Variants in NTNG1 observed in about 807,000 individuals in gnomAD.
NTNG1 encodes the protein netrin-G1.
NTNG1 carries 16 observed loss-of-function variants against 54.0 expected under a neutral mutation model. The ratio of observed to expected loss-of-function variants is 0.30; its 90% CI spans 0.20 to 0.45. The LOEUF is 0.45. Among genes scored for constraint, NTNG1 ranks in the 20% least tolerant of loss-of-function variants. NTNG1 has a pLI of 1.00. For synonymous variants in NTNG1, 255 were observed against 263.1 expected (o/e 0.97, Z 0.30); for missense variants, 530 against 678.7 (o/e 0.78, Z 2.43).
At chr1:107,473,363 G>A (rs936614067) in intron 7 of NTNG1, among the ~76,000 whole-genome samples, 5 of 152,150 alleles carry the variant, frequency 3.3e-5, no homozygotes, top group African/African-American at 1.2e-4. Context: ...GACCTTAGGG[G>A]AACAAGTGAC....
At chr1:107,418,896 G>C (rs1174380689) in intron 5 of NTNG1, among the ~76,000 whole-genome samples, 1 of 151,914 alleles carries the variant, frequency 6.6e-6, no homozygotes, top group Non-Finnish European at 1.5e-5. Context: ...TCAGTCCCAG[G>C]AGAAGCCTAG....
At chr1:107,274,830 T>G (rs181385671) in intron 2 of NTNG1, among the ~76,000 whole-genome samples, 3 of 152,292 alleles carry the variant, frequency 2.0e-5, no homozygotes, top group East Asian at 3.9e-4. Flanking sequence ...CATTTATTGT[T>G]TAGCTTTAGA....
At chr1:107,295,991 T>G (rs565368513) in intron 2 of NTNG1, among the ~76,000 whole-genome samples, 24 of 152,236 alleles carry the variant, frequency 1.6e-4, no homozygotes, top group African/African-American at 5.3e-4. Flanking sequence ...CTAACCTCTT[T>G]GGCTCATCCG....
chr1:107,244,788 G>A (rs1007646712), intron 2 of NTNG1, among the ~76,000 whole-genome samples: 5 of 152,016 alleles, frequency 3.3e-5, no homozygotes, highest in African/African-American at 4.8e-5. Context: ...AGAGTGTGGC[G>A]CGAACAGCAG....
intron 2 of NTNG1, among the ~76,000 whole-genome samples, chr1:107,301,972 G>A (rs762393922): frequency 6.6e-6 from 1 of 152,114 alleles, no homozygotes; most frequent in Non-Finnish European, 1.5e-5. Flanking sequence ...TTTGCTTGCT[G>A]TTTGCCAGCT....
chr1:107,197,565 T>C (rs557509266), intron 2 of NTNG1, among the ~76,000 whole-genome samples: 3 of 152,074 alleles, frequency 2.0e-5, no homozygotes, highest in Non-Finnish European at 2.9e-5. Context: ...CTTTTTATGC[T>C]GATAAGGCGA....
At chr1:107,312,633 A>G (rs945687058) in intron 2 of NTNG1, among the ~76,000 whole-genome samples, 2 of 152,096 alleles carry the variant, frequency 1.3e-5, no homozygotes, top group East Asian at 1.9e-4. Flanking sequence ...TTGCATGCAG[A>G]TGATCTAAGG....
chr1:107,421,280 A>G lies in NTNG1; in HGVS notation c.1088-9470A>G, dbSNP rs1012869575. Reference sequence around the variant, plus strand: ...CATGTTGACTAATATCAATCAATGCATCGAATAGTACTGAGAATCATCTGT... The same window carrying G: ...CATGTTGACTAATATCAATCAATGCGTCGAATAGTACTGAGAATCATCTGT... On this transcript the variant is annotated intron_variant, in intron 5 of 7. Transcript: ENST00000370068. 4.8e-6 allele frequency: 3 copies of G among 620,774 alleles called. No homozygotes were observed. In the African/African-American group the frequency reaches 5.5e-5, roughly 11 times the overall value. The allele number at this position is 620,774 out of a possible 1,614,324, so 38.5% of individuals were successfully genotyped here.
Position 107,454,984 on chromosome 1 carries a change from A to C in NTNG1, c.1390+18185A>C, listed in dbSNP as rs17019098. Among the ~76,000 whole-genome samples the C allele has an allele frequency of 6.2e-3, 938 of 152,086 alleles. 19 individuals carry two copies. Among genetic ancestry groups the C allele is most frequent in the African/African-American group, 0.022 (904 of 41,488 alleles). ...TACGTGTGAGCACAGTGCTGTGCCA[A>C]CTCTGTGGTAAGCCTTGTAGGGAAG... is the stretch of plus-strand genomic sequence containing the variant. On this transcript the variant is annotated intron_variant, in intron 7 of 7. Coordinates refer to ENST00000370068, the MANE Select transcript of NTNG1 (RefSeq NM_001113226.3).
intron 3 of NTNG1, among the ~76,000 whole-genome samples, chr1:107,365,555 C>T (rs189852180): frequency 6.6e-5 from 10 of 152,158 alleles, no homozygotes; most frequent in Non-Finnish European, 1.0e-4. Flanking sequence ...ATTTTACAGT[C>T]GCTTACCATA....
At chr1:107,312,754 A>C (rs1457328731) in intron 2 of NTNG1, among the ~76,000 whole-genome samples, 1 of 152,218 alleles carries the variant, frequency 6.6e-6, no homozygotes, top group Non-Finnish European at 1.5e-5. Context: ...CTTAATCTTT[A>C]CATACCACTG....
chr1:107,476,991 G>C (rs1449148670), intron 7 of NTNG1, among the ~76,000 whole-genome samples: 1 of 152,220 alleles, frequency 6.6e-6, no homozygotes, highest in African/African-American at 2.4e-5. Context: ...AAAAGTATTT[G>C]AAATTTTAAA....
At chr1:107,320,443 G>GTTA (rs1243552285) in intron 2 of NTNG1, among the ~76,000 whole-genome samples, 5 of 151,986 alleles carry the variant, frequency 3.3e-5, no homozygotes, top group Non-Finnish European at 7.4e-5. Context: ...TTTCATTGTT[G>GTTA]ATGTTATTAA....
intron 3 of NTNG1, among the ~76,000 whole-genome samples, chr1:107,381,886 G>A (rs771568708): frequency 3.3e-5 from 5 of 152,132 alleles, no homozygotes; most frequent in Non-Finnish European, 7.4e-5. Flanking sequence ...TGGCCAAAAT[G>A]ATGACCAGTT....
intron 2 of NTNG1, among the ~76,000 whole-genome samples, chr1:107,286,513 T>C (rs1665212509): frequency 6.6e-6 from 1 of 152,180 alleles, no homozygotes; most frequent in Non-Finnish European, 1.5e-5. Context: ...ATGCTTACCA[T>C]TCATTTTCTT....
At chr1:107,229,405 CA>C (rs1163678584) in intron 2 of NTNG1, among the ~76,000 whole-genome samples, 8 of 151,166 alleles carry the variant, frequency 5.3e-5, no homozygotes, top group African/African-American at 1.9e-4. Context: ...AGATCAAGTG[CA>C]AAAGCTGGAA....
At chr1:107,472,202 T>C (rs1043215066) in intron 7 of NTNG1, among the ~76,000 whole-genome samples, 52 of 152,136 alleles carry the variant, frequency 3.4e-4, no homozygotes, top group African/African-American at 1.2e-3. Flanking sequence ...GGGCAGCAGA[T>C]AAGACTGAAC....
intron 3 of NTNG1, among the ~76,000 whole-genome samples, chr1:107,366,366 C>T (rs1486527070): frequency 1.3e-5 from 2 of 152,110 alleles, no homozygotes; most frequent in East Asian, 1.9e-4. Context: ...GGCTACTGAA[C>T]AGATGTAAGG....
chr1:107,263,272 GCTTCCTTCCTTCCTTC>G lies in NTNG1; in HGVS notation c.247-60973_247-60958del, dbSNP rs58443542. On this transcript the variant is annotated intron_variant, in intron 2 of 7. Transcript: ENST00000370068. ...GCTAATAACAGTTCTAGGTTAGCTT[GCTTCCTTCCTTCCTTC>G]CTTCCTTCCTTCCTTCCTTCCTTCC... Among the ~76,000 whole-genome samples, 1,283 of 146,260 alleles carry G rather than the reference GCTTCCTTCCTTCCTTC, an allele frequency of 8.8e-3. 17 individuals carry two copies. The highest frequency in any genetic ancestry group is 0.075 in the East Asian group (369 of 4,896).
Sources: gnomAD v4.1 joint callset for allele counts (sites outside exome capture counted in the v4.1 genomes callset) on GRCh38, gnomAD v4.1.1 for gene constraint, MANE v1.5 for transcripts, NCBI Gene and HGNC (gene_info 2026-07-23, HGNC 2026-07-21) for gene names.